TMEM132E: variants seen among roughly 807,000 people sequenced by gnomAD.
TMEM132E encodes transmembrane protein 132E.
TMEM132E carries 49 observed loss-of-function variants against 78.5 expected under a neutral mutation model. The ratio of observed to expected loss-of-function variants is 0.62; its 90% confidence interval spans 0.50 to 0.79. The LOEUF is 0.79. TMEM132E is among the 30% of genes least tolerant of loss of function. The pLI is 0.00. For synonymous variants in TMEM132E, 715 were observed against 670.6 expected, an observed-to-expected ratio of 1.07 and a Z score of -1.02; for missense variants, 1,403 against 1,470.9, an observed-to-expected ratio of 0.95 and a Z score of 0.75.
chr17:34,600,181 C>T (rs1906190583), intron 1 of TMEM132E, among the ~76,000 whole-genome samples: 1 of 152,194 alleles, frequency 6.6e-6, no homozygotes, highest in Admixed American at 6.5e-5. Context: ...CTCTTAGAAC[C>T]ACTCTTTAGT....
intron 5 of TMEM132E, among the ~76,000 whole-genome samples, chr17:34,630,614 G>A (rs771218243): frequency 3.1e-4 from 47 of 152,144 alleles, no homozygotes; most frequent in South Asian, 6.2e-4. Flanking sequence ...AAGACCTGCC[G>A]TGAACCCAGA....
chr17:34,613,788 G>A (rs1455867747), intron 1 of TMEM132E, among the ~76,000 whole-genome samples: 2 of 152,086 alleles, frequency 1.3e-5, no homozygotes, highest in Non-Finnish European at 2.9e-5. Context: ...CAGGCCCTGG[G>A]GGGTTGGTGG....
At chr17:34,636,640 G>A (rs925592614) in intron 8 of TMEM132E, among the ~76,000 whole-genome samples, 3 of 152,142 alleles carry the variant, frequency 2.0e-5, no homozygotes, top group African/African-American at 7.2e-5. Flanking sequence ...CCCGGAGTTA[G>A]GACACGGGTC....
At chr17:34,588,700 A>G (rs1330644734) in intron 1 of TMEM132E, among the ~76,000 whole-genome samples, 2 of 152,158 alleles carry the variant, frequency 1.3e-5, no homozygotes, top group African/African-American at 4.8e-5. Flanking sequence ...TCATTGAATA[A>G]GTGAATTATA....
rs144345984 is a variant in TMEM132E, at chr17:34,606,262, G to A, written c.68-19865G>A. Among the ~76,000 whole-genome samples the A allele has an allele frequency of 3.5e-3, 534 of 152,264 alleles. 5 individuals are homozygous for A. Among genetic ancestry groups the A allele is most frequent in the African/African-American group, 0.012 (507 of 41,546 alleles). On this transcript the variant is annotated intron_variant, in intron 1 of 8. Coordinates refer to ENST00000631683, the MANE Select transcript of TMEM132E (RefSeq NM_001304438.2). The stretch of plus-strand genomic sequence containing the variant: ...CTTGAGAGGCTGAGGCAGGAGAATC[G>A]CTTGAACCCAGGAGGCAGAGGCTGC...
chr17:34,630,246 C>T, intron 5 of TMEM132E, 95 bp downstream of exon 5: 1 of 1,361,242 alleles, frequency 7.3e-7, no homozygotes, highest in Non-Finnish European at 1.0e-6. Flanking sequence ...GACTCTTACT[C>T]ATCCTCTAAC....
At chr17:34,628,914 T>C in intron 3 of TMEM132E, 98 bp from the exon 4 acceptor site, 1 of 1,445,760 alleles carries the variant, frequency 6.9e-7, no homozygotes, top group Non-Finnish European at 9.3e-7. Flanking sequence ...ATCAGGCAGC[T>C]GCCGGGGAGG....
chr17:34,637,047 G>T (rs1907544668), intron 8 of TMEM132E, 130 bp from the exon 9 acceptor site: 3 of 785,256 alleles, frequency 3.8e-6, no homozygotes, highest in Non-Finnish European at 6.1e-6. Flanking sequence ...CACAGGCACA[G>T]TTCCAGTGCT....
chr17:34,606,688 G>A (rs1418634093), intron 1 of TMEM132E, among the ~76,000 whole-genome samples: 1 of 152,176 alleles, frequency 6.6e-6, no homozygotes, highest in Non-Finnish European at 1.5e-5. Flanking sequence ...TAGGTCCCCT[G>A]GCAAGTTGGA....
chr17:34,581,214 G>A (rs898761598), intron 1 of TMEM132E, 71 bp downstream of exon 1: 4 of 1,365,312 alleles, frequency 2.9e-6, no homozygotes, highest in Middle Eastern at 1.9e-4. Flanking sequence ...GGGAAGACTG[G>A]GGAGAGGAGC....
intron 2 of TMEM132E, among the ~76,000 whole-genome samples, chr17:34,628,079 T>C (rs1319943280): frequency 6.6e-6 from 1 of 152,110 alleles, no homozygotes; most frequent in Non-Finnish European, 1.5e-5. Context: ...AAAAAACAAT[T>C]GGAGGCACTG....
chr17:34,602,024 A>G (rs563012756), intron 1 of TMEM132E, among the ~76,000 whole-genome samples: 1 of 152,336 alleles, frequency 6.6e-6, no homozygotes, highest in South Asian at 2.1e-4. Flanking sequence ...CACTGGGTCC[A>G]TGGTCTGGCC....
intron 5 of TMEM132E, among the ~76,000 whole-genome samples, chr17:34,632,162 CT>C (rs1907367362): frequency 6.6e-6 from 1 of 152,230 alleles, no homozygotes; most frequent in Non-Finnish European, 1.5e-5. Flanking sequence ...AGCAGCCCCC[CT>C]CACCGGAAAT....
rs758654512 is a variant in TMEM132E at position 34,630,041 on chromosome 17, G to C, written c.1372G>C (p.Gly458Arg). The part of the protein sequence containing the change: ...TEIINTAILT[G>R]RTVAIPVKVI... The stretch of plus-strand genomic sequence containing the variant: ...GATCATCAACACGGCCATTCTGACT[G>C]GCCGGACAGTGGCCATCCCTGTCAA... The change falls in exon 5 of 9, where the codon GGC becomes CGC. Residue 458 changes from glycine to arginine, a missense_variant. Physicochemically the swap from Gly to Arg is moderately radical, Grantham distance 125. Transcript: ENST00000631683. The C allele has an allele frequency of 6.2e-7, 1 of 1,612,562 alleles. No individual in the cohort carries two copies. The highest frequency in any genetic ancestry group is 8.5e-7 in the Non-Finnish European group (1 of 1,178,876).
rs1597692800 is a variant in TMEM132E at position 34,632,965 on chromosome 17, C to T, written c.1688+56C>T. The stretch of plus-strand genomic sequence containing the variant: ...GGAAACTCATGGGTGGATACAGCCT[C>T]GGCCCACAGTCTGATCTGCATATGG... On this transcript the variant is annotated intron_variant, in intron 6 of 8. Transcript: ENST00000631683. 6.5e-5 allele frequency: 104 copies of T among 1,592,434 alleles called. 1 individual carries two copies. The East Asian group carries it at 2.1e-3, about 33-fold the overall frequency.
rs1907305293 is a variant in TMEM132E at position 34,630,108 on chromosome 17, C to A, written c.1439C>A (p.Ser480Tyr). 1 of 1,613,486 alleles carries A rather than the reference C, an allele frequency of 6.2e-7. No homozygotes were observed. The highest frequency in any genetic ancestry group is 1.3e-5 in the African/African-American group (1 of 74,886). Reference sequence around the variant, plus strand: ...GTGAATGGCCTCGTCCTGGACATCTCCGCCCTAGTGGAATGCGAGTCTGAC... The same window carrying A: ...GTGAATGGCCTCGTCCTGGACATCTACGCCCTAGTGGAATGCGAGTCTGAC... ...IEVNGLVLDI[S>Y]ALVECESDNE... The change falls in exon 5 of 9, where the codon TCC (serine) becomes TAC (tyrosine). Residue 480 changes from serine (S) to tyrosine (Y), a missense_variant. This residue lies in a region of TMEM132E where 888 missense variants were observed against 952.8 expected (regional missense o/e 0.93). Coordinates refer to ENST00000631683, the MANE Select transcript of TMEM132E (RefSeq NM_001304438.2).
At chr17:34,627,171 C>T (rs1907180061) in intron 2 of TMEM132E, 114 bp downstream of exon 2, 2 of 1,164,022 alleles carry the variant, frequency 1.7e-6, no homozygotes, top group South Asian at 2.9e-5. Flanking sequence ...CCCTGTCCAG[C>T]ATCCTAATCC....
In TMEM132E at chr17:34,635,354, A is replaced by G. The variant is rs912068743; in HGVS notation, c.1977+267A>G. 2.6e-5 allele frequency among the ~76,000 whole-genome samples: 4 copies of G among 152,184 alleles called. No individual in the cohort carries two copies. The East Asian group carries it at 5.8e-4, about 22-fold the overall frequency. On this transcript the variant is annotated intron_variant, in intron 7 of 8. Coordinates refer to ENST00000631683, the MANE Select transcript of TMEM132E (RefSeq NM_001304438.2). ...AGCAGAGGGGGAGCAGGTGAGAGTC[A>G]GCCAGCCTAGAGTCCAGGAAGGTGC...
chr17:34,583,326 C>T (rs565170122), intron 1 of TMEM132E, among the ~76,000 whole-genome samples: 2 of 152,252 alleles, frequency 1.3e-5, no homozygotes, highest in Non-Finnish European at 2.9e-5. Context: ...TTCCCTGAGT[C>T]CTGAACTCTC....
Sources: gnomAD v4.1 joint callset for allele counts (sites outside exome capture counted in the v4.1 genomes callset) on GRCh38, gnomAD v4.1.1 for gene constraint, gnomAD v4.1.1 regional missense constraint, MANE v1.5 for transcripts, NCBI Gene and HGNC (gene_info 2026-07-23, HGNC 2026-07-21) for gene names.